ARHGEF3: variants seen among roughly 807,000 people sequenced by gnomAD.
ARHGEF3 encodes the protein Rho guanine nucleotide exchange factor 3, also known as 59.8 kDA protein.
In ARHGEF3, 28 loss-of-function variants were observed where a neutral mutation model predicts 63.2. The observed-to-expected ratio is 0.44, with a 90% CI of 0.33 to 0.61. ARHGEF3 has a LOEUF of 0.61. ARHGEF3 is among the 20% of genes least tolerant of loss of function. ARHGEF3 has a pLI of 0.03. For synonymous variants in ARHGEF3, 266 were observed against 254.2 expected (o/e 1.05, Z -0.44); for missense variants, 533 against 659.3 (o/e 0.81, Z 2.10).
chr3:56,969,184 T>C (rs1188531846), intron 2 of ARHGEF3, among the ~76,000 whole-genome samples: 1 of 152,276 alleles, frequency 6.6e-6, no homozygotes, highest in Middle Eastern at 3.4e-3. Context: ...TTCCCCTAAA[T>C]AGGTAATATC....
chr3:56,916,316 C>A (rs1051740044), intron 3 of ARHGEF3: 1 of 1,535,336 alleles, frequency 6.5e-7, no homozygotes. Flanking sequence ...TACCTGCGAA[C>A]GGACAAAGAG....
At chr3:56,863,640 G>C (rs6789180) in intron 4 of ARHGEF3, among the ~76,000 whole-genome samples, 72,483 of 151,344 alleles carry the variant, frequency 0.48, 17,482 homozygotes, top group East Asian at 0.62. Flanking sequence ...TCACCATGTT[G>C]GCCAGGCTGG....
chr3:56,977,297 G>A (rs780734650), intron 2 of ARHGEF3: 6 of 456,502 alleles, frequency 1.3e-5, no homozygotes, highest in South Asian at 9.3e-5. Flanking sequence ...ATCAAACATG[G>A]TCCATCTAAA....
intron 1 of ARHGEF3, among the ~76,000 whole-genome samples, chr3:56,800,333 T>C (rs2037577459): frequency 6.6e-6 from 1 of 152,142 alleles, no homozygotes; most frequent in Non-Finnish European, 1.5e-5. Flanking sequence ...ACTGAAAAAA[T>C]ATTATATCCA....
At chr3:57,056,301 C>T (rs1704931090) in intron 1 of ARHGEF3, among the ~76,000 whole-genome samples, 1 of 149,510 alleles carries the variant, frequency 6.7e-6, no homozygotes, top group South Asian at 2.1e-4. Context: ...GCAGGAGAAT[C>T]TCTTGAACCT....
At chr3:57,003,460 G>C (rs963938048) in intron 2 of ARHGEF3, among the ~76,000 whole-genome samples, 1 of 140,902 alleles carries the variant, frequency 7.1e-6, no homozygotes. Context: ...CCAAGCTCAT[G>C]AGTGACTGAG....
Position 57,040,281 on chromosome 3 carries a change from A to T in ARHGEF3, c.-27-5105T>A, listed in dbSNP as rs148706849. On this transcript the variant is annotated intron_variant, in intron 1 of 12. Coordinates refer to the ARHGEF3 transcript ENST00000338458. ...TCACGAGGTCAGGACATTGAGACCA[A>T]CCTGGCTAACATGGTGAAACCCCAT... 3.4e-3 allele frequency among the ~76,000 whole-genome samples: 523 copies of T among 151,992 alleles called. 1 individual carries two copies. Among genetic ancestry groups the T allele is most frequent in the African/African-American group, 0.01 (415 of 41,446 alleles).
At chr3:56,945,584 G>A (rs971086348) in intron 3 of ARHGEF3, among the ~76,000 whole-genome samples, 1 of 152,196 alleles carries the variant, frequency 6.6e-6, no homozygotes, top group African/African-American at 2.4e-5. Context: ...CTGGAGGAGG[G>A]GCGCCTGCCA....
intron 2 of ARHGEF3, among the ~76,000 whole-genome samples, chr3:56,759,672 T>C (rs1301373913): frequency 6.6e-6 from 1 of 152,158 alleles, no homozygotes; most frequent in African/African-American, 2.4e-5. Flanking sequence ...GCTGAGATTA[T>C]AGATGAGTGC....
chr3:56,860,695 G>A (rs2040043723), intron 4 of ARHGEF3, among the ~76,000 whole-genome samples: 2 of 152,142 alleles, frequency 1.3e-5, no homozygotes, highest in South Asian at 4.1e-4. Context: ...TGAAAATACA[G>A]ATGTAATTTT....
intron 1 of ARHGEF3, among the ~76,000 whole-genome samples, chr3:56,797,843 T>C (rs1012516284): frequency 6.6e-6 from 1 of 152,198 alleles, no homozygotes; most frequent in African/African-American, 2.4e-5. Flanking sequence ...GTCTGTTAAG[T>C]TTTGTACTAC....
At chr3:56,797,559 A>G (rs2037435670) in intron 1 of ARHGEF3, among the ~76,000 whole-genome samples, 1 of 152,230 alleles carries the variant, frequency 6.6e-6, no homozygotes, top group South Asian at 2.1e-4. Context: ...GTGTTCAGGT[A>G]TACTATCTGT....
At chr3:56,873,229 T>TA (rs1480458504) in intron 4 of ARHGEF3, among the ~76,000 whole-genome samples, 9 of 151,610 alleles carry the variant, frequency 5.9e-5, no homozygotes, top group African/African-American at 2.2e-4. Flanking sequence ...GTTTGTTTTT[T>TA]TTTTTTTAAC....
At chr3:56,925,495 T>C (rs2042252190) in intron 3 of ARHGEF3, among the ~76,000 whole-genome samples, 1 of 152,206 alleles carries the variant, frequency 6.6e-6, no homozygotes, top group African/African-American at 2.4e-5. Flanking sequence ...CCCTACTGAT[T>C]TCCTTCCCAC....
chr3:56,973,095 T>C (rs1465735271), intron 2 of ARHGEF3, among the ~76,000 whole-genome samples: 37 of 151,582 alleles, frequency 2.4e-4, no homozygotes, highest in Non-Finnish European at 2.9e-5. Flanking sequence ...TGGCTCACTA[T>C]AAGCTCCGCC....
intron 4 of ARHGEF3, among the ~76,000 whole-genome samples, chr3:56,821,741 A>G (rs1270486846): frequency 6.6e-6 from 1 of 152,172 alleles, no homozygotes; most frequent in East Asian, 1.9e-4. Context: ...AGGTGGGTGG[A>G]TCACCTGAGG....
At chr3:56,986,084 T>C (rs1701524549) in intron 2 of ARHGEF3, among the ~76,000 whole-genome samples, 1 of 152,158 alleles carries the variant, frequency 6.6e-6, no homozygotes, top group Non-Finnish European at 1.5e-5. Context: ...TAACATTGTA[T>C]TTGGGGCTCT....
chr3:57,043,506 A>C (rs939566155), intron 1 of ARHGEF3, among the ~76,000 whole-genome samples: 1 of 114,322 alleles, frequency 8.7e-6, no homozygotes, highest in Non-Finnish European at 1.9e-5. Flanking sequence ...AAAAAAAAAA[A>C]CCCTGAGCAT....
chr3:57,014,635 T>C (rs1365205573), intron 2 of ARHGEF3, among the ~76,000 whole-genome samples: 2 of 152,108 alleles, frequency 1.3e-5, no homozygotes, highest in Non-Finnish European at 2.9e-5. Flanking sequence ...GATTAACAGT[T>C]AACATAGAAA....
Sources: gnomAD v4.1 joint callset for allele counts (sites outside exome capture counted in the v4.1 genomes callset) on GRCh38, gnomAD v4.1.1 for gene constraint, MANE v1.5 for transcripts, NCBI Gene and HGNC (gene_info 2026-07-23, HGNC 2026-07-21) for gene names.